Variants in FSTL5 observed in about 807,000 individuals in gnomAD.
The protein encoded by FSTL5 is follistatin-related protein 5.
Under a neutral mutation model 89.1 loss-of-function variants are expected in FSTL5, and 62 were observed. The ratio of observed to expected loss-of-function variants is 0.70; its 90% CI spans 0.57 to 0.86. The LOEUF (loss-of-function observed/expected upper bound fraction) is 0.86. Among genes scored for constraint, FSTL5 ranks in the 40% least tolerant of loss-of-function variants. The pLI, the probability that FSTL5 is intolerant of heterozygous loss-of-function variation, is 0.00. For synonymous variants in FSTL5, 383 were observed against 346.2 expected, an observed-to-expected ratio of 1.11 and a Z score of -1.18; for missense variants, 1,057 against 1,001.6, an observed-to-expected ratio of 1.06 and a Z score of -0.75.
intron 4 of FSTL5, among the ~76,000 whole-genome samples, chr4:161,841,056 C>T (rs1731197145): frequency 6.6e-6 from 1 of 152,182 alleles, no homozygotes; most frequent in Non-Finnish European, 1.5e-5. Context: ...TCTCATGTCT[C>T]TGTTTCTCAG....
intron 6 of FSTL5, among the ~76,000 whole-genome samples, chr4:161,705,963 T>G (rs560179417): frequency 0.018 from 1,176 of 65,476 alleles, 58 homozygotes; most frequent in South Asian, 0.03. Context: ...TATATATATA[T>G]ATATATATAT....
At chr4:161,695,922 T>C (rs1255600905) in intron 6 of FSTL5, among the ~76,000 whole-genome samples, 2 of 152,188 alleles carry the variant, frequency 1.3e-5, no homozygotes, top group Non-Finnish European at 2.9e-5. Context: ...CTGTTTACTC[T>C]GCTGACTGTT....
At chr4:161,506,606 C>A (rs1037761833) in intron 11 of FSTL5, among the ~76,000 whole-genome samples, 1 of 152,000 alleles carries the variant, frequency 6.6e-6, no homozygotes, top group Non-Finnish European at 1.5e-5. Flanking sequence ...GGTTTTTGAA[C>A]CACACTTAGA....
intron 7 of FSTL5, among the ~76,000 whole-genome samples, chr4:161,614,315 TGAG>T (rs748745995): frequency 5.9e-5 from 9 of 152,204 alleles, no homozygotes; most frequent in Non-Finnish European, 8.8e-5. Flanking sequence ...TGTATGATTC[TGAG>T]AAGATAAATT....
Position 161,640,951 on chromosome 4 carries a change from TG to T in FSTL5, c.894+15376del, listed in dbSNP as rs1248984166. The stretch of plus-strand genomic sequence containing the variant: ...ACAAGAGATCCTTAGTACAATTGTT[TG>T]CAGCTATTTTTATCAGGAACATTGA... On this transcript the variant is annotated intron_variant, in intron 7 of 15. Coordinates refer to ENST00000306100, the MANE Select transcript of FSTL5 (RefSeq NM_020116.5). Among the ~76,000 whole-genome samples the T allele has an allele frequency of 3.3e-5, 5 of 152,328 alleles. No homozygotes were observed. The East Asian group carries it at 9.6e-4, about 29-fold the overall frequency.
At chr4:161,595,945 A>G (rs1157096630) in intron 7 of FSTL5, among the ~76,000 whole-genome samples, 1 of 152,040 alleles carries the variant, frequency 6.6e-6, no homozygotes, top group Non-Finnish European at 1.5e-5. Flanking sequence ...GTTTTGATAT[A>G]CACTGACATT....
chr4:161,738,308 T>C (rs1560818072), intron 6 of FSTL5, among the ~76,000 whole-genome samples: 1 of 152,056 alleles, frequency 6.6e-6, no homozygotes, highest in East Asian at 1.9e-4. Context: ...TACACCATCT[T>C]ATGGTGCTGG....
At chr4:161,404,018 G>T (rs937606502) in intron 15 of FSTL5, among the ~76,000 whole-genome samples, 2 of 152,168 alleles carry the variant, frequency 1.3e-5, no homozygotes, top group Non-Finnish European at 2.9e-5. Context: ...GAAAATAGAA[G>T]TCCACATTCC....
chr4:161,964,095 T>G (rs553494113), intron 3 of FSTL5, among the ~76,000 whole-genome samples: 1 of 152,036 alleles, frequency 6.6e-6, no homozygotes, highest in African/African-American at 2.4e-5. Flanking sequence ...ATACTTGTGA[T>G]GATTTGAGCC....
chr4:161,665,315 C>A (rs1005598605), intron 6 of FSTL5, among the ~76,000 whole-genome samples: 12 of 152,146 alleles, frequency 7.9e-5, no homozygotes, highest in Non-Finnish European at 1.8e-4. Flanking sequence ...CATCTCAGCT[C>A]ACTGCAAGCT....
intron 6 of FSTL5, among the ~76,000 whole-genome samples, chr4:161,701,020 G>T (rs576865260): frequency 5.3e-4 from 80 of 152,154 alleles, no homozygotes; most frequent in South Asian, 1.2e-3. Flanking sequence ...AACTATGGAG[G>T]CATATTCTTT....
chr4:161,695,251 C>T (rs1738100850), intron 6 of FSTL5, among the ~76,000 whole-genome samples: 1 of 152,038 alleles, frequency 6.6e-6, no homozygotes, highest in African/African-American at 2.4e-5. Flanking sequence ...TTGTGTCATT[C>T]TTATGCCTTT....
At chr4:161,704,324 C>T (rs1000085715) in intron 6 of FSTL5, among the ~76,000 whole-genome samples, 2 of 152,050 alleles carry the variant, frequency 1.3e-5, no homozygotes, top group Non-Finnish European at 2.9e-5. Context: ...CTCATGTCTC[C>T]TTAAAATGTG....
chr4:161,916,766 A>T (rs28529533), intron 4 of FSTL5, among the ~76,000 whole-genome samples: 9 of 152,122 alleles, frequency 5.9e-5, no homozygotes, highest in Non-Finnish European at 7.3e-5. Context: ...AATAATAATA[A>T]AAAATGCTAA....
chr4:162,124,707 G>GTT (rs59015731), intron 1 of FSTL5, among the ~76,000 whole-genome samples: 4 of 151,576 alleles, frequency 2.6e-5, no homozygotes, highest in East Asian at 2.0e-4. Flanking sequence ...TTTTTTGTTT[G>GTT]TTTTTTTTCT....
At chr4:162,107,945 AT>A (rs1230889958) in intron 2 of FSTL5, among the ~76,000 whole-genome samples, 5 of 152,176 alleles carry the variant, frequency 3.3e-5, no homozygotes, top group Admixed American at 6.5e-5. Context: ...GGATTATTAT[AT>A]AAATTACAAT....
intron 9 of FSTL5, among the ~76,000 whole-genome samples, chr4:161,540,497 TC>T (rs1357849619): frequency 6.6e-6 from 1 of 152,136 alleles, no homozygotes; most frequent in East Asian, 1.9e-4. Flanking sequence ...GTTCCTAGTT[TC>T]ACCTTGATTT....
chr4:161,822,837 C>T (rs1176592298), intron 4 of FSTL5, among the ~76,000 whole-genome samples: 1 of 152,206 alleles, frequency 6.6e-6, no homozygotes, highest in Non-Finnish European at 1.5e-5. Context: ...AGAGAAGTTT[C>T]ACTGAATGAC....
intron 2 of FSTL5, among the ~76,000 whole-genome samples, chr4:162,095,514 T>C (rs1670997407): frequency 6.6e-6 from 1 of 151,892 alleles, no homozygotes. Context: ...TCCTGGGAGG[T>C]GAATAAGGGA....
Sources: gnomAD v4.1 joint callset for allele counts (sites outside exome capture counted in the v4.1 genomes callset) on GRCh38, gnomAD v4.1.1 for gene constraint, MANE v1.5 for transcripts, NCBI Gene and HGNC (gene_info 2026-07-23, HGNC 2026-07-21) for gene names.